The following ANKRD28 variants were observed in gnomAD, a reference collection of about 807,000 sequenced individuals.
ANKRD28 encodes the protein serine/threonine-protein phosphatase 6 regulatory ankyrin repeat subunit A.
Under a neutral mutation model 126.5 loss-of-function variants are expected in ANKRD28, and 44 were observed. The ratio of observed to expected loss-of-function variants is 0.35; its 90% CI spans 0.27 to 0.45. The LOEUF is 0.45. ANKRD28 is among the 20% of genes least tolerant of loss of function. The pLI is 1.00. For synonymous variants in ANKRD28, 442 were observed against 468.5 expected, an observed-to-expected ratio of 0.94 and a Z score of 0.73; for missense variants, 1,110 against 1,316.6, an observed-to-expected ratio of 0.84 and a Z score of 2.43.
At chr3:15,803,200 A>C (rs1190456404) in intron 1 of ANKRD28, among the ~76,000 whole-genome samples, 1 of 152,232 alleles carries the variant, frequency 6.6e-6, no homozygotes, top group African/African-American at 2.4e-5. Flanking sequence ...TGTGGCTTTG[A>C]TACGAAGAAC....
intron 3 of ANKRD28, among the ~76,000 whole-genome samples, chr3:15,762,627 A>G (rs994292516): frequency 1.4e-4 from 21 of 152,198 alleles, no homozygotes; most frequent in African/African-American, 5.1e-4. Flanking sequence ...AGAACGTAAT[A>G]ACTGGACTTC....
At chr3:15,705,006 T>C (rs1575267413) in intron 14 of ANKRD28, among the ~76,000 whole-genome samples, 1 of 152,284 alleles carries the variant, frequency 6.6e-6, no homozygotes, top group South Asian at 2.1e-4. Flanking sequence ...CTTTTACAAA[T>C]AAAGAATATT....
chr3:15,746,616 A>G (rs1326074825), intron 4 of ANKRD28, among the ~76,000 whole-genome samples: 1 of 152,198 alleles, frequency 6.6e-6, no homozygotes, highest in African/African-American at 2.4e-5. Context: ...TTGGTTTGCC[A>G]GTATTTTGTT....
chr3:15,703,583 T>C (rs1396893193), intron 14 of ANKRD28, among the ~76,000 whole-genome samples: 3 of 152,244 alleles, frequency 2.0e-5, no homozygotes, highest in Non-Finnish European at 4.4e-5. Flanking sequence ...AATGTGCTGG[T>C]GCCTTGATAT....
intron 4 of ANKRD28, among the ~76,000 whole-genome samples, chr3:15,741,697 CTTTTTTTTTTTT>C (rs58655271): frequency 4.5e-4 from 15 of 33,660 alleles, no homozygotes; most frequent in South Asian, 1.6e-3. Flanking sequence ...TGGTTCTATC[CTTTTTTTTTTTT>C]TTTTTTTTTT....
In ANKRD28 at chr3:15,766,346, T is replaced by C. The variant is rs1414390617; in HGVS notation, c.202-34A>G. On this transcript the variant is annotated intron_variant, in intron 2 of 27. Transcript: ENST00000683139. ...ATAAGGAAAGGTGGGAAATAAGTTT[T>C]AAAATAAGATTAATTTTAATAATAG... is the stretch of plus-strand genomic sequence containing the variant. The C allele has an allele frequency of 7.4e-6, 11 of 1,479,648 alleles. 1 individual carries two copies. The highest frequency in any genetic ancestry group is 1.0e-5 in the Non-Finnish European group (11 of 1,069,656). 91.7% of individuals were successfully genotyped at this position (1,479,648 alleles called of 1,614,324 possible).
chr3:15,829,435 A>T (rs370701369), intron 1 of ANKRD28, among the ~76,000 whole-genome samples: 29 of 152,270 alleles, frequency 1.9e-4, no homozygotes, highest in Non-Finnish European at 3.1e-4. Context: ...TTGACAAGTG[A>T]TATCTCTTAG....
rs368785651 is a variant in ANKRD28, at chr3:15,839,718, AT to A, written c.27+19658del. On this transcript the variant is annotated intron_variant, in intron 1 of 27. Transcript: ENST00000399451. This position sits in a 1 kb window ranked among gnomAD's most constrained non-coding sequence, Gnocchi z 4.3. ...CATTCATCATGACCAAGTGGGACTT[AT>A]CCCCCGAGGGATGCAAGGATGGTTC... Among the ~76,000 whole-genome samples the A allele has an allele frequency of 7.2e-5, 11 of 152,362 alleles. No individual in the cohort carries two copies. The highest frequency in any genetic ancestry group is 2.4e-4 in the African/African-American group (10 of 41,594).
chr3:15,812,943 A>G lies in ANKRD28; in HGVS notation c.28-17637T>C, dbSNP rs2060748034. Among the ~76,000 whole-genome samples, 1 of 152,192 alleles carries G rather than the reference A, an allele frequency of 6.6e-6. No homozygotes were observed. The highest frequency in any genetic ancestry group is 2.4e-5 in the African/African-American group (1 of 41,440). On this transcript the variant is annotated intron_variant, in intron 1 of 27. Coordinates refer to the ANKRD28 transcript ENST00000399451. This position sits in a 1 kb window ranked among gnomAD's most constrained non-coding sequence, Gnocchi z 4.1. Reference sequence around the variant, plus strand: ...ACCCGATTCACTCCAATTTGAAGAAAACAATCAGGTAAACGGTGTGTTCCC... The same window carrying G: ...ACCCGATTCACTCCAATTTGAAGAAGACAATCAGGTAAACGGTGTGTTCCC...
rs180968336 is a variant in ANKRD28 at position 15,853,722 on chromosome 3, G to C, written c.27+5655C>G. ...CTGACCTCATGATCCGCCCGCCTCG[G>C]TCTCCCAAAGTGCTGGGATTACAGG... On this transcript the variant is annotated intron_variant, in intron 1 of 27. Coordinates refer to the ANKRD28 transcript ENST00000399451. This position sits in a 1 kb window ranked among gnomAD's most constrained non-coding sequence, Gnocchi z 4.2. Among the ~76,000 whole-genome samples the C allele has an allele frequency of 7.1e-4, 108 of 152,214 alleles. No individual in the cohort carries two copies. The highest frequency in any genetic ancestry group is 2.5e-3 in the African/African-American group (104 of 41,544).
intron 7 of ANKRD28, among the ~76,000 whole-genome samples, chr3:15,722,870 A>T (rs1391283774): frequency 6.6e-6 from 1 of 152,074 alleles, no homozygotes; most frequent in Admixed American, 6.5e-5. Flanking sequence ...ATACTCTAAA[A>T]CTCTGGGAAG....
chr3:15,737,068 CA>C lies in ANKRD28; in HGVS notation c.516del (p.Ala173HisfsTer46). 6.2e-7 allele frequency: 1 copy of C among 1,613,962 alleles called. No individual in the cohort carries two copies. Among genetic ancestry groups the C allele is most frequent in the Non-Finnish European group, 8.5e-7 (1 of 1,179,874 alleles). ...NVNVSDRAGRTALHHAAFSGH... is the reference protein window; with the variant it reads ...NVNVSDRAGRXALHHAAFSGH... ...CCACTGAAAGCTGCATGATGTAATGCAGTCCTCCCTGCTCGATCAGATACGT... is the reference window on the plus strand; with the variant it reads ...CCACTGAAAGCTGCATGATGTAATGCGTCCTCCCTGCTCGATCAGATACGT... On this transcript the variant is annotated frameshift_variant, in exon 5 of 28. Coordinates refer to ENST00000683139, the MANE Select transcript of ANKRD28 (RefSeq NM_001349278.2). LOFTEE classifies it high-confidence loss of function.
At chr3:15,858,491 C>A (rs1343150717) in intron 1 of ANKRD28, among the ~76,000 whole-genome samples, 2 of 152,218 alleles carry the variant, frequency 1.3e-5, no homozygotes, top group African/African-American at 2.4e-5. Flanking sequence ...ACGGGGTGCT[C>A]ACTTTCAAAA....
At chr3:15,772,714 T>C (rs535298169) in intron 2 of ANKRD28, among the ~76,000 whole-genome samples, 4 of 152,178 alleles carry the variant, frequency 2.6e-5, no homozygotes, top group South Asian at 4.2e-4. Context: ...TGAGGCAGAG[T>C]CTCCCTCTGT....
intron 14 of ANKRD28, among the ~76,000 whole-genome samples, chr3:15,702,324 T>A (rs994751405): frequency 1.3e-5 from 2 of 152,170 alleles, no homozygotes; most frequent in African/African-American, 4.8e-5. Flanking sequence ...AATTGCTTGA[T>A]CTTGAAAATG....
intron 3 of ANKRD28, among the ~76,000 whole-genome samples, chr3:15,761,765 A>G (rs754926116): frequency 6.6e-6 from 1 of 152,172 alleles, no homozygotes; most frequent in Non-Finnish European, 1.5e-5. Flanking sequence ...ATCTTCTGTA[A>G]AACTGTCCTA....
intron 4 of ANKRD28, among the ~76,000 whole-genome samples, chr3:15,741,628 T>C (rs916910937): frequency 2.0e-5 from 3 of 147,552 alleles, no homozygotes; most frequent in African/African-American, 7.6e-5. Context: ...ACTCAGAGAG[T>C]ATTTATTATT....
chr3:15,714,507 T>G, intron 9 of ANKRD28, 71 bp downstream of exon 9: 2 of 1,100,628 alleles, frequency 1.8e-6, no homozygotes, highest in Non-Finnish European at 1.3e-6. Flanking sequence ...ACCATTCATT[T>G]GGTGGATGTT....
Position 15,830,186 on chromosome 3 carries a change from G to C in ANKRD28, c.27+29191C>G, listed in dbSNP as rs1221876156. ...ATCAGCAGTAAGTACTATTACTTTT[G>C]TACCATTAATGCGAATGTCGAAGTA... On this transcript the variant is annotated intron_variant, in intron 1 of 27. Coordinates refer to the ANKRD28 transcript ENST00000399451. This position sits in a 1 kb window ranked among gnomAD's most constrained non-coding sequence, Gnocchi z 4.5. Among the ~76,000 whole-genome samples the C allele has an allele frequency of 6.6e-6, 1 of 152,142 alleles. No homozygotes were observed. Among genetic ancestry groups the C allele is most frequent in the Non-Finnish European group, 1.5e-5 (1 of 68,028 alleles).
Sources: gnomAD v4.1 joint callset for allele counts (sites outside exome capture counted in the v4.1 genomes callset) on GRCh38, gnomAD v4.1.1 for gene constraint, Gnocchi (gnomAD v3.1) non-coding constraint, MANE v1.5 for transcripts, NCBI Gene and HGNC (gene_info 2026-07-23, HGNC 2026-07-21) for gene names.